The following SUN1 variants were observed in gnomAD, a reference collection of about 807,000 sequenced individuals.
The protein encoded by SUN1 is SUN domain-containing protein 1.
A neutral mutation model predicts 103.2 loss-of-function variants in SUN1; 61 were observed. The ratio of observed to expected loss-of-function variants is 0.59; its 90% CI spans 0.48 to 0.73. The LOEUF is 0.73. Among genes scored for constraint, SUN1 ranks in the 30% least tolerant of loss-of-function variants. The pLI is 0.00. For synonymous variants in SUN1, 490 were observed against 425.7 expected, an observed-to-expected ratio of 1.15 and a Z score of -1.86; for missense variants, 1,052 against 1,034.6, an observed-to-expected ratio of 1.02 and a Z score of -0.23.
In SUN1 at chr7:873,470, C is replaced by G. The variant is rs1181125015; in HGVS notation, c.*139C>G. ...ATAAACGTGGCTGCTGGCCAGAGGA[C>G]GTGAGCGTGTGACGGGCGCCTTGGC... On this transcript the variant is annotated 3_prime_UTR_variant, in exon 19 of 19. Coordinates refer to ENST00000401592, the MANE Select transcript of SUN1 (RefSeq NM_001130965.3). 2 of 872,738 alleles carry G rather than the reference C, an allele frequency of 2.3e-6. No homozygotes were observed. Among genetic ancestry groups the G allele is most frequent in the Non-Finnish European group, 1.8e-6 (1 of 568,616 alleles). 54.1% of individuals were successfully genotyped at this position (872,738 alleles called of 1,614,324 possible).
intron 14 of SUN1, among the ~76,000 whole-genome samples, chr7:860,692 C>T (rs998766339): frequency 2.6e-5 from 4 of 152,232 alleles, no homozygotes; most frequent in Non-Finnish European, 5.9e-5. Context: ...TTCTGCAGTT[C>T]CATGAAAGTC....
At chr7:822,252 C>T (rs189379706) in intron 1 of SUN1, among the ~76,000 whole-genome samples, 211 of 152,258 alleles carry the variant, frequency 1.4e-3, no homozygotes, top group Admixed American at 6.3e-3. Flanking sequence ...GTCAGTTTTA[C>T]GGTTTAAATT....
At position 854,897 on chromosome 7, in the gene SUN1, G is replaced by T. The variant is rs139177422; in HGVS notation, c.1264-23G>T. The T allele has an allele frequency of 6.0e-4, 943 of 1,578,184 alleles. 6 individuals are homozygous for T. In the African/African-American group the frequency reaches 0.011, roughly 18 times the overall value. On this transcript the variant is annotated intron_variant, in intron 10 of 18. Coordinates refer to ENST00000401592, the MANE Select transcript of SUN1 (RefSeq NM_001130965.3). Reference sequence around the variant, plus strand: ...TGTTGCTTAACTTTCTCCATCATTTGTTCACTCCTTCTCTTTCCTAAGACT... The same window carrying T: ...TGTTGCTTAACTTTCTCCATCATTTTTTCACTCCTTCTCTTTCCTAAGACT...
At chr7:860,000 C>T in intron 13 of SUN1, 128 bp from the exon 14 acceptor site, 3 of 1,226,428 alleles carry the variant, frequency 2.4e-6, no homozygotes, top group South Asian at 1.5e-5. Context: ...AAGGAAAACA[C>T]TGTCACAATG....
At position 842,051 on chromosome 7, in the gene SUN1, G is replaced by T. The variant is rs758701308; in HGVS notation, c.372G>T (p.Leu124=). ...SGVSHGGTVS[L]QDAVTRRPPV... is the part of the protein sequence containing the mutation. The stretch of plus-strand genomic sequence containing the variant: ...TCAGCCACGGCGGCACTGTCAGCCT[G>T]CAGGATGCTGTGACTCGACGGCCTC... The change falls in exon 3 of 19, where the codon CTG becomes CTT. Residue 124 remains leucine, a synonymous_variant. Transcript: ENST00000401592. 6.2e-6 allele frequency: 10 copies of T among 1,614,218 alleles called. No homozygotes were observed. The East Asian group carries it at 2.2e-4, about 36-fold the overall frequency.
At chr7:815,823 A>T (rs1413132810), upstream of SUN1, 5 of 213,546 alleles carry the variant, frequency 2.3e-5, no homozygotes, top group Non-Finnish European at 3.9e-5. Flanking sequence ...CCGCGGGAGG[A>T]GCCCGGCCTG....
rs759161428 is a variant in SUN1 at position 857,823 on chromosome 7, T to C, written c.1395-5T>C. On this transcript the variant is annotated splice_polypyrimidine_tract_variant and splice_region_variant and intron_variant, in intron 12 of 18. Transcript: ENST00000401592. Reference sequence around the variant, plus strand: ...GTGTGACCCATTCTCACTGTTGGATTCCAGTGCGGTTGGTGAGCAGCTCCT... The same window carrying C: ...GTGTGACCCATTCTCACTGTTGGATCCCAGTGCGGTTGGTGAGCAGCTCCT... The C allele has an allele frequency of 6.3e-7, 1 of 1,575,320 alleles. No individual in the cohort carries two copies. The highest frequency in any genetic ancestry group is 1.1e-5 in the South Asian group (1 of 87,830).
At chr7:839,086 T>A in intron 2 of SUN1, 100 bp downstream of exon 2, 1 of 1,261,566 alleles carries the variant, frequency 7.9e-7, no homozygotes, top group Non-Finnish European at 1.1e-6. Flanking sequence ...GTCTCGAGCT[T>A]AAGGATATGT....
rs984637517 is a variant in SUN1 at position 821,653 on chromosome 7, G to A, written c.-74+4980G>A. ...CAGGGAGTGTTTTTTTGTGGGAGAA[G>A]TAGTGATGGGATGAAAGCATCCTTC... On this transcript the variant is annotated intron_variant, in intron 1 of 17. Transcript: ENST00000389574. Among the ~76,000 whole-genome samples, 8 of 152,274 alleles carry A rather than the reference G, an allele frequency of 5.3e-5. No homozygotes were observed. In the Middle Eastern group the frequency reaches 0.01, roughly 194 times the overall value.
rs752963929 is a variant in SUN1 at position 853,429 on chromosome 7, G to A, written c.1074G>A (p.Pro358=). Reference sequence around the variant, plus strand: ...TTCAGGGTGACAGTGAGGCTTTTCCGTGGCATTGGATGAGTGGCGTGGAGC... The same window carrying A: ...TTCAGGGTGACAGTGAGGCTTTTCCATGGCATTGGATGAGTGGCGTGGAGC... ...QPLQGDSEAF[P]WHWMSGVEQQ... The change falls in exon 10 of 19, where the codon CCG becomes CCA. Residue 358 remains proline, a synonymous_variant. Coordinates refer to ENST00000401592, the MANE Select transcript of SUN1 (RefSeq NM_001130965.3). 1.4e-5 allele frequency: 23 copies of A among 1,613,724 alleles called. No homozygotes were observed. Among genetic ancestry groups the A allele is most frequent in the African/African-American group, 5.3e-5 (4 of 74,934 alleles).
intron 5 of SUN1, among the ~76,000 whole-genome samples, chr7:846,279 T>G (rs369099392): frequency 6.6e-6 from 1 of 152,008 alleles, no homozygotes; most frequent in South Asian, 2.1e-4. Context: ...CGGCTAATTT[T>G]TGTATTTTTC....
At chr7:826,193 A>T (rs542788937) in intron 1 of SUN1, among the ~76,000 whole-genome samples, 1 of 150,410 alleles carries the variant, frequency 6.6e-6, no homozygotes, top group East Asian at 2.0e-4. Context: ...CGCCCCTGGC[A>T]CTCTAGCCTG....
Position 872,509 on chromosome 7 carries a change from G to T in SUN1, c.2188G>T (p.Gly730Ter). ...NEYQEEGQLL[G>*]QFTYDQDGES... is the part of the protein sequence containing the mutation. ...GTATCAGGAAGAAGGGCAGCTTCTG[G>T]GACAGTTCACGTATGATCAGGATGG... Residue 730 changes from glycine (G) to a stop codon, truncating the protein, a stop_gained, in exon 18 of 19, where the codon GGA (glycine) becomes TGA (stop). Coordinates refer to ENST00000401592, the MANE Select transcript of SUN1 (RefSeq NM_001130965.3). LOFTEE classifies it high-confidence loss of function. 6.2e-7 allele frequency: 1 copy of T among 1,605,206 alleles called. No homozygotes were observed.
intron 15 of SUN1, 94 bp downstream of exon 15, chr7:861,558 G>T (rs1832253108): frequency 1.7e-6 from 2 of 1,207,818 alleles, no homozygotes; most frequent in African/African-American, 1.5e-5. Context: ...ACTTCCAGCA[G>T]TAAGGACTCC....
At chr7:854,310 C>T (rs1366224303) in intron 10 of SUN1, among the ~76,000 whole-genome samples, 3 of 152,248 alleles carry the variant, frequency 2.0e-5, no homozygotes, top group Non-Finnish European at 4.4e-5. Context: ...CGCGCAGCGT[C>T]AAACGCTCAG....
intron 1 of SUN1, among the ~76,000 whole-genome samples, chr7:825,430 A>G (rs1045251243): frequency 6.6e-6 from 1 of 152,194 alleles, no homozygotes; most frequent in Non-Finnish European, 1.5e-5. Context: ...ACAGCCTGAA[A>G]GGGGTTAAAT....
intron 11 of SUN1, 39 bp downstream of exon 11, chr7:855,045 GAA>G: frequency 6.8e-7 from 1 of 1,476,452 alleles, no homozygotes; most frequent in Non-Finnish European, 9.4e-7. Context: ...AAAATAAAAA[GAA>G]AATCAACTAT....
intron 17 of SUN1, 93 bp downstream of exon 17, chr7:869,609 C>A: frequency 7.0e-7 from 1 of 1,426,414 alleles, no homozygotes; most frequent in Non-Finnish European, 9.5e-7. Context: ...GGGACGGCTG[C>A]CTCCCGCTGC....
rs148034631 is a variant in SUN1 at position 839,601 on chromosome 7, G to T, written c.266+615G>T. ...GTCTCACTTCGTTGCCCAGGCTGGA[G>T]TACAGTGGTGGCGTGATCTTGGCTC... On this transcript the variant is annotated intron_variant, in intron 2 of 18. Coordinates refer to ENST00000401592, the MANE Select transcript of SUN1 (RefSeq NM_001130965.3). Among the ~76,000 whole-genome samples, 17 of 47,160 alleles carry T rather than the reference G, an allele frequency of 3.6e-4. 6 individuals carry two copies. In the East Asian group the frequency reaches 0.022, roughly 60 times the overall value. 30.9% of individuals were successfully genotyped at this position (47,160 alleles called of 152,430 possible). A position where few individuals can be genotyped will look rare whatever the true frequency, so the allele number is the denominator to read the frequency against.
Sources: allele counts gnomAD v4.1 joint callset (sites outside exome capture counted in the v4.1 genomes callset), GRCh38; gene constraint gnomAD v4.1.1; transcripts MANE v1.5; gene names NCBI Gene and HGNC (gene_info 2026-07-23, HGNC 2026-07-21).